PWWP3A: variants seen among roughly 807,000 people sequenced by gnomAD.
PWWP3A encodes PWWP domain-containing DNA repair factor 3A.
A neutral mutation model predicts 79.0 loss-of-function variants in PWWP3A; 53 were observed. The observed-to-expected ratio is 0.67, with a 90% CI of 0.54 to 0.84. The LOEUF is 0.84. Ranked by LOEUF, PWWP3A falls within the 40% of genes least tolerant of loss-of-function variation. PWWP3A has a pLI of 0.00. For synonymous variants in PWWP3A, 443 were observed against 394.4 expected (o/e 1.12, Z -1.46); for missense variants, 973 against 948.0 (o/e 1.03, Z -0.35).
chr19:1,361,450 G>A (rs1256254259), intron 5 of PWWP3A, among the ~76,000 whole-genome samples: 1 of 152,238 alleles, frequency 6.6e-6, no homozygotes, highest in African/African-American at 2.4e-5. Context: ...TCACTCAAAA[G>A]ACTGACTTTT....
chr19:1,361,888 T>C (rs2526130), intron 5 of PWWP3A: 2,742 of 214,800 alleles, frequency 0.013, 81 homozygotes, highest in African/African-American at 0.06. Flanking sequence ...CCTGGCCCCC[T>C]CCCTGCATAT....
Position 1,360,700 on chromosome 19 carries a change from G to C in PWWP3A, c.779G>C (p.Arg260Thr), listed in dbSNP as rs1289629105. The change falls in exon 5 of 14, where the codon AGG (arginine) becomes ACG (threonine). Residue 260 changes from arginine (R) to threonine (T), a missense_variant. Coordinates refer to ENST00000591337, the MANE Select transcript of PWWP3A (RefSeq NM_001369789.1). The surrounding 1 kb of genome is among the most constrained non-coding windows in gnomAD (Gnocchi z 4.4). The part of the protein sequence containing the change: ...WAAPSLPSGV[R>T]EDDPCANAEG... Reference sequence around the variant, plus strand: ...GCCCCGTCCTTGCCCTCCGGGGTCAGGGAGGACGATCCCTGTGCCAACGCT... The same window carrying C: ...GCCCCGTCCTTGCCCTCCGGGGTCACGGAGGACGATCCCTGTGCCAACGCT... The C allele has an allele frequency of 1.9e-6, 3 of 1,613,544 alleles. No individual in the cohort carries two copies. The East Asian group carries it at 6.7e-5, about 36-fold the overall frequency.
intron 12 of PWWP3A, chr19:1,372,697 C>T (rs775947358): frequency 6.1e-5 from 10 of 162,888 alleles, no homozygotes; most frequent in Non-Finnish European, 1.2e-4. Flanking sequence ...GCAGAGGTTG[C>T]AGTGAGCTGA....
intron 13 of PWWP3A, among the ~76,000 whole-genome samples, chr19:1,374,940 G>A (rs773913767): frequency 6.6e-5 from 10 of 151,868 alleles, no homozygotes; most frequent in Non-Finnish European, 1.3e-4. Context: ...CATTGTTAAG[G>A]CCTGGTGCGG....
rs1035837460 is a variant in PWWP3A at position 1,376,575 on chromosome 19, G to A, written c.2132G>A (p.Ter711=). 5.0e-6 allele frequency: 8 copies of A among 1,613,456 alleles called. No individual in the cohort carries two copies. The African/African-American group carries it at 8.0e-5, about 16-fold the overall frequency. The part of the protein sequence containing the change: ...LLEERNRRRR[*] ...GAAGAGCGGAACCGGCGCCGTCGGT[G>A]AGGGAGCAGCCGGCTGTGCTGTCAG... is the stretch of plus-strand genomic sequence containing the variant. The change falls in exon 14 of 14, where the codon TGA becomes TAA. Residue 711 remains the stop codon, a stop_retained_variant. Coordinates refer to ENST00000591337, the MANE Select transcript of PWWP3A (RefSeq NM_001369789.1).
At chr19:1,359,127 C>CA (rs1466714211) in intron 4 of PWWP3A, 6 of 181,444 alleles carry the variant, frequency 3.3e-5, no homozygotes, top group Non-Finnish European at 7.2e-5. Flanking sequence ...CATGCACATA[C>CA]ATGACAAGTG....
chr19:1,364,461 G>C, intron 6 of PWWP3A, 48 bp from the exon 7 acceptor site: 1 of 1,436,900 alleles, frequency 7.0e-7, no homozygotes. Flanking sequence ...ATATGGATTT[G>C]ACTTGTCTAT....
rs371221738 is a variant in PWWP3A, at chr19:1,354,984, AGCGGCG to A, written c.-201_-196del. Reference sequence around the variant, plus strand: ...AAGCCCCGCCCCCGGCCCCGCGGGGAGCGGCGGCGGCGGCGGCGGCGGCGGTGGCGG... The same window carrying A: ...AAGCCCCGCCCCCGGCCCCGCGGGGAGCGGCGGCGGCGGCGGCGGTGGCGG... On this transcript the variant is annotated 5_prime_UTR_variant, in exon 1 of 14. Coordinates refer to ENST00000591337, the MANE Select transcript of PWWP3A (RefSeq NM_001369789.1). 1.3e-3 allele frequency: 193 copies of A among 147,676 alleles called. 1 individual carries two copies. Among genetic ancestry groups the A allele is most frequent in the African/African-American group, 3.9e-3 (159 of 40,534 alleles). The allele number at this position is 147,676 out of a possible 1,614,324, so 9.1% of individuals were successfully genotyped here. A position where few individuals can be genotyped will look rare whatever the true frequency, so the allele number is the denominator to read the frequency against.
chr19:1,362,895 C>G (rs1457978583), intron 6 of PWWP3A, among the ~76,000 whole-genome samples: 1 of 152,250 alleles, frequency 6.6e-6, no homozygotes, highest in Non-Finnish European at 1.5e-5. Flanking sequence ...ACCCAAAGAT[C>G]TGAGCCAGCC....
chr19:1,376,474 C>T lies in PWWP3A; in HGVS notation c.2076-45C>T. The T allele has an allele frequency of 1.9e-6, 3 of 1,595,760 alleles. No individual in the cohort carries two copies. In the South Asian group the frequency reaches 3.3e-5, roughly 18 times the overall value. ...CAGTCCTCTCTCTCATATTCTTTAA[C>T]ACACAATGATTAATTACTAAAATGA... On this transcript the variant is annotated intron_variant, in intron 13 of 13. Transcript: ENST00000591337.
intron 7 of PWWP3A, among the ~76,000 whole-genome samples, chr19:1,365,929 C>T (rs2082118569): frequency 6.6e-6 from 1 of 152,254 alleles, no homozygotes; most frequent in African/African-American, 2.4e-5. Flanking sequence ...CCCGTGTGGC[C>T]TGGGCTTGTT....
intron 7 of PWWP3A, among the ~76,000 whole-genome samples, chr19:1,364,908 C>T (rs922448386): frequency 5.9e-5 from 9 of 152,138 alleles, no homozygotes; most frequent in Non-Finnish European, 1.2e-4. Context: ...CACCTGAGGT[C>T]GGGAGTTCGA....
rs751828324 is a variant in PWWP3A, at chr19:1,370,971, C to T, written c.1879C>T (p.Leu627=). The T allele has an allele frequency of 1.3e-6, 2 of 1,562,512 alleles. No individual in the cohort carries two copies. Among genetic ancestry groups the T allele is most frequent in the Non-Finnish European group, 1.7e-6 (2 of 1,152,922 alleles). ...CCTGGAGGATGAGGGGCAGCTGGAC[C>T]TGGTGGTGAAGTACCTGCAGGGCGT... The part of the protein sequence containing the change: ...TYLEDEGQLD[L]VVKYLQGVYQ... Residue 627 remains leucine, a synonymous_variant, in exon 12 of 14, where the codon CTG becomes TTG. Coordinates refer to ENST00000591337, the MANE Select transcript of PWWP3A (RefSeq NM_001369789.1).
At position 1,370,654 on chromosome 19, in the gene PWWP3A, G is replaced by A. The variant is rs1356598829; in HGVS notation, c.1562G>A (p.Arg521Gln). The A allele has an allele frequency of 9.0e-6, 13 of 1,449,308 alleles. No individual in the cohort carries two copies. Among genetic ancestry groups the A allele is most frequent in the East Asian group, 5.0e-5 (2 of 39,830 alleles). The allele number at this position is 1,449,308 out of a possible 1,614,324, so 89.8% of individuals were successfully genotyped here. Residue 521 changes from arginine (R) to glutamine (Q), a missense_variant, in exon 12 of 14, where the codon CGA becomes CAA. Transcript: ENST00000591337. ...YYAADISYPV[R>Q]KSIQQDVLGT... ...GCTTCTTTTGCAGGCTATCCTGTCC[G>A]AAAATCCATCCAGCAGGACGTCTTG...
Position 1,368,332 on chromosome 19 carries a change from T to A in PWWP3A, c.1423-933T>A, listed in dbSNP as rs902557916. 1.2e-4 allele frequency among the ~76,000 whole-genome samples: 19 copies of A among 152,116 alleles called. No individual in the cohort carries two copies. The highest frequency in any genetic ancestry group is 4.1e-4 in the African/African-American group (17 of 41,424). ...TGCCGTTTATATCAAAAACCCTGGGTTCTGAGAGCACAGGGTGCCCGCTTC... is the reference window on the plus strand; with the variant it reads ...TGCCGTTTATATCAAAAACCCTGGGATCTGAGAGCACAGGGTGCCCGCTTC... On this transcript the variant is annotated intron_variant, in intron 9 of 13. Coordinates refer to ENST00000591337, the MANE Select transcript of PWWP3A (RefSeq NM_001369789.1). This position sits in a 1 kb window ranked among gnomAD's most constrained non-coding sequence, Gnocchi z 4.7.
chr19:1,370,565 T>TC (rs903820402), intron 11 of PWWP3A, 77 bp from the exon 12 acceptor site: 50 of 1,320,002 alleles, frequency 3.8e-5, no homozygotes, highest in Admixed American at 6.3e-5. Flanking sequence ...TGTCGCAGCC[T>TC]CCCATCGGCC....
chr19:1,357,148 T>A, intron 3 of PWWP3A, 54 bp downstream of exon 3: 1 of 1,355,926 alleles, frequency 7.4e-7, no homozygotes. Context: ...TTTCTGATAC[T>A]TCAATCCCCT....
At chr19:1,359,047 A>G in intron 4 of PWWP3A, 1 of 286,914 alleles carries the variant, frequency 3.5e-6, no homozygotes, top group Admixed American at 4.1e-5. Context: ...CCAGGCCTTC[A>G]GTTTAGCACC....
chr19:1,370,653 C>T lies in PWWP3A; in HGVS notation c.1561C>T (p.Arg521Ter), dbSNP rs922069232. The change falls in exon 12 of 14, where the codon CGA (arginine) becomes TGA (stop). Residue 521 changes from arginine (R) to a stop codon, truncating the protein, a stop_gained. Transcript: ENST00000591337. LOFTEE classifies it high-confidence loss of function. ...YYAADISYPV[R>*]KSIQQDVLGT... Reference sequence around the variant, plus strand: ...TGCTTCTTTTGCAGGCTATCCTGTCCGAAAATCCATCCAGCAGGACGTCTT... The same window carrying T: ...TGCTTCTTTTGCAGGCTATCCTGTCTGAAAATCCATCCAGCAGGACGTCTT... 6.9e-7 allele frequency: 1 copy of T among 1,449,652 alleles called. No homozygotes were observed. Among genetic ancestry groups the T allele is most frequent in the Non-Finnish European group, 9.1e-7 (1 of 1,098,716 alleles). 89.8% of individuals were successfully genotyped at this position (1,449,652 alleles called of 1,614,324 possible). A position where few individuals can be genotyped will look rare whatever the true frequency, so the allele number is the denominator to read the frequency against.
Sources: gnomAD v4.1 joint callset for allele counts (sites outside exome capture counted in the v4.1 genomes callset) on GRCh38, gnomAD v4.1.1 for gene constraint, Gnocchi (gnomAD v3.1) non-coding constraint, MANE v1.5 for transcripts, NCBI Gene and HGNC (gene_info 2026-07-23, HGNC 2026-07-21) for gene names.